The following NPHP4 variants were observed in gnomAD, a reference collection of about 807,000 sequenced individuals.
NPHP4 encodes nephrocystin-4.
NPHP4 carries 151 observed loss-of-function variants against 155.8 expected under a neutral mutation model. That is an observed-to-expected ratio of 0.97 (90% CI 0.85 to 1.11). The LOEUF (loss-of-function observed/expected upper bound fraction) is 1.11, where lower values mean the gene tolerates loss of function less well. Among genes scored for constraint, NPHP4 ranks in the 50% least tolerant of loss-of-function variants. NPHP4 has a pLI of 0.00. For missense variants in NPHP4, 1,956 were observed against 1,925.7 expected, an observed-to-expected ratio of 1.02 and a Z score of -0.29; for synonymous variants, 845 against 816.8, an observed-to-expected ratio of 1.03 and a Z score of -0.59.
rs200952409 is a variant in NPHP4, at chr1:5,887,277, G to T, written c.2485+9C>A. 4.9e-4 allele frequency: 781 copies of T among 1,609,922 alleles called. No homozygotes were observed. The highest frequency in any genetic ancestry group is 6.2e-4 in the Non-Finnish European group (731 of 1,178,148). ...GCTGGAGAAATGGCACAAGGCTGGG[G>T]ACTCTTACCCACGTTGGCCAAAGTC... On this transcript the variant is annotated intron_variant, in intron 18 of 29. Transcript: ENST00000378156.
At chr1:5,896,152 G>A (rs183783994) in intron 16 of NPHP4, among the ~76,000 whole-genome samples, 4 of 152,326 alleles carry the variant, frequency 2.6e-5, no homozygotes, top group East Asian at 3.9e-4. Context: ...AGCCAGAAAC[G>A]AAAAGTCTGG....
chr1:5,923,821 A>G (rs1221510503), intron 11 of NPHP4, among the ~76,000 whole-genome samples: 1 of 152,262 alleles, frequency 6.6e-6, no homozygotes, highest in Non-Finnish European at 1.5e-5. Context: ...ATCCAGTAAG[A>G]GAAAATTCTC....
At chr1:5,864,217 G>A (rs1264081009) in intron 28 of NPHP4, 121 bp downstream of exon 28, 19 of 1,145,388 alleles carry the variant, frequency 1.7e-5, no homozygotes, top group South Asian at 3.0e-5. Flanking sequence ...TCATGCACCC[G>A]GCCCTGCTGG....
intron 7 of NPHP4, among the ~76,000 whole-genome samples, chr1:5,952,130 A>G (rs56127510): frequency 0.15 from 22,626 of 152,206 alleles, 1,838 homozygotes; most frequent in Non-Finnish European, 0.19. Flanking sequence ...CAGTGACCAG[A>G]ACACAATGAC....
intron 23 of NPHP4, among the ~76,000 whole-genome samples, chr1:5,869,086 C>A (rs1409745717): frequency 6.8e-6 from 1 of 147,892 alleles, no homozygotes; most frequent in African/African-American, 2.5e-5. Context: ...TGCATGCACC[C>A]ACACATGCAC....
chr1:5,950,669 T>G (rs1235109564), intron 7 of NPHP4, among the ~76,000 whole-genome samples: 1 of 152,128 alleles, frequency 6.6e-6, no homozygotes, highest in Non-Finnish European at 1.5e-5. Flanking sequence ...CCAGACTGGC[T>G]GCCACAGGAG....
In NPHP4 at chr1:5,900,903, G is replaced by T. The variant is rs113532478; in HGVS notation, c.2143+3714C>A. Among the ~76,000 whole-genome samples, 257 of 152,180 alleles carry T rather than the reference G, an allele frequency of 1.7e-3. 2 individuals carry two copies. The highest frequency in any genetic ancestry group is 2.2e-3 in the Non-Finnish European group (147 of 68,018). On this transcript the variant is annotated intron_variant, in intron 16 of 29. Coordinates refer to ENST00000378156, the MANE Select transcript of NPHP4 (RefSeq NM_015102.5). Reference sequence around the variant, plus strand: ...AAAAAAATATTAGTTGGGCATGGTGGTGCATGCCTGTGGTCCCAGCTATGT... The same window carrying T: ...AAAAAAATATTAGTTGGGCATGGTGTTGCATGCCTGTGGTCCCAGCTATGT...
intron 9 of NPHP4, among the ~76,000 whole-genome samples, chr1:5,934,990 T>A (rs556610667): frequency 3.9e-5 from 6 of 152,162 alleles, no homozygotes; most frequent in African/African-American, 1.4e-4. Flanking sequence ...CCCACACAGA[T>A]CCCCGCATGC....
intron 16 of NPHP4, among the ~76,000 whole-genome samples, chr1:5,904,006 G>A (rs781353993): frequency 6.6e-6 from 1 of 152,182 alleles, no homozygotes; most frequent in Non-Finnish European, 1.5e-5. Flanking sequence ...CCAATTTACA[G>A]CTAAAGAGGG....
Position 5,864,052 on chromosome 1 carries a change from G to C in NPHP4, c.3997-19C>G, listed in dbSNP as rs781377529. The C allele has an allele frequency of 6.2e-7, 1 of 1,611,098 alleles. No individual in the cohort carries two copies. Among genetic ancestry groups the C allele is most frequent in the Non-Finnish European group, 8.5e-7 (1 of 1,178,936 alleles). ...CAAAGGCCTGTGGAGGGAGGGGACA[G>C]GGAGACGCTGCGGCCACTCACGGGA... On this transcript the variant is annotated intron_variant, in intron 28 of 29. Coordinates refer to ENST00000378156, the MANE Select transcript of NPHP4 (RefSeq NM_015102.5).
chr1:5,950,752 T>C (rs919973187), intron 7 of NPHP4, among the ~76,000 whole-genome samples: 1 of 152,154 alleles, frequency 6.6e-6, no homozygotes, highest in African/African-American at 2.4e-5. Flanking sequence ...AGCCAACTCA[T>C]TGCAGGCCCA....
intron 1 of NPHP4, among the ~76,000 whole-genome samples, chr1:5,989,244 C>G (rs564875529): frequency 6.6e-6 from 1 of 152,200 alleles, no homozygotes. Context: ...GGACTTCTGA[C>G]CGGCCTAACT....
chr1:5,867,039 G>C lies in NPHP4; in HGVS notation c.3549C>G (p.Thr1183=). 1 of 1,612,578 alleles carries C rather than the reference G, an allele frequency of 6.2e-7. No individual in the cohort carries two copies. The highest frequency in any genetic ancestry group is 2.2e-5 in the East Asian group (1 of 44,826). ...RCSDPNVICE[T]QNVGPGEPRD... ...CCACAACACAACCTACCACATTCTG[G>C]GTCTCACAGATGACGTTCGGGTCGC... Residue 1183 remains threonine (T), a synonymous_variant, in exon 25 of 30, where the codon ACC becomes ACG. Transcript: ENST00000378156. This position sits in a 1 kb window ranked among gnomAD's most constrained non-coding sequence, Gnocchi z 4.1.
In NPHP4 at chr1:5,948,121, A is replaced by G; in HGVS notation, c.941T>C (p.Leu314Ser). 6.2e-7 allele frequency: 1 copy of G among 1,613,908 alleles called. No individual in the cohort carries two copies. Among genetic ancestry groups the G allele is most frequent in the South Asian group, 1.1e-5 (1 of 91,076 alleles). ...VVLVPEMDVA[L>S]TRSASFSRKV... ...CCTGCTGAAGCTAGCTGAGCGCGTC[A>G]AGGCCACATCCATCTCAGGCACCAG... Residue 314 changes from leucine to serine, a missense_variant, in exon 8 of 30, where the codon TTG becomes TCG. By Grantham distance (145) the Leu-to-Ser change is moderately radical. Coordinates refer to ENST00000378156, the MANE Select transcript of NPHP4 (RefSeq NM_015102.5).
chr1:5,991,832 T>C (rs1280411004), intron 1 of NPHP4, among the ~76,000 whole-genome samples: 2 of 150,298 alleles, frequency 1.3e-5, no homozygotes, highest in Admixed American at 6.6e-5. Context: ...GACTCCGGCC[T>C]GGGAAGGATG....
chr1:5,937,627 T>C (rs1570528720), intron 9 of NPHP4, among the ~76,000 whole-genome samples: 1 of 151,908 alleles, frequency 6.6e-6, no homozygotes, highest in Admixed American at 6.5e-5. Flanking sequence ...AATGACAGGG[T>C]GGGGTCCCCG....
rs902875138 is a variant in NPHP4 at position 5,944,961 on chromosome 1, G to A, written c.1119+2143C>T. Among the ~76,000 whole-genome samples, 3 of 152,072 alleles carry A rather than the reference G, an allele frequency of 2.0e-5. No homozygotes were observed. The highest frequency in any genetic ancestry group is 6.5e-5 in the Admixed American group (1 of 15,274). ...GGGCGACAGAGTGAGACTCTGTCTC[G>A]AAAAGAGAAGAGAAGAGAAATCAGT... is the stretch of plus-strand genomic sequence containing the variant. On this transcript the variant is annotated intron_variant, in intron 9 of 29. Coordinates refer to ENST00000378156, the MANE Select transcript of NPHP4 (RefSeq NM_015102.5). The surrounding 1 kb of genome is among the most constrained non-coding windows in gnomAD (Gnocchi z 4.3).
intron 9 of NPHP4, among the ~76,000 whole-genome samples, chr1:5,943,782 A>G (rs1304935679): frequency 6.6e-6 from 1 of 152,212 alleles, no homozygotes; most frequent in East Asian, 1.9e-4. Flanking sequence ...ATACTAAGAA[A>G]TGCAGTCAAG....
At chr1:5,952,599 G>GCCCCA (rs1168711442) in intron 7 of NPHP4, 101 bp downstream of exon 7, 1 of 13,820 alleles carries the variant, frequency 7.2e-5, no homozygotes, top group Non-Finnish European at 1.5e-4. Context: ...CCCCTACCCT[G>GCCCCA]CCCCACCCAC....
Sources: gnomAD v4.1 joint callset for allele counts (sites outside exome capture counted in the v4.1 genomes callset) on GRCh38, gnomAD v4.1.1 for gene constraint, Gnocchi (gnomAD v3.1) non-coding constraint, MANE v1.5 for transcripts, NCBI Gene and HGNC (gene_info 2026-07-23, HGNC 2026-07-21) for gene names.